Variants in STX11 observed in about 807,000 individuals in gnomAD.
The protein encoded by STX11 is syntaxin 11, also known as syntaxin-11.
In STX11, 21 loss-of-function variants were observed where a neutral mutation model predicts 19.9. The ratio of observed to expected loss-of-function variants is 1.06; its 90% CI spans 0.75 to 1.52. STX11 has a LOEUF of 1.52. Ranked by LOEUF, STX11 falls within the 40% of genes most tolerant of loss-of-function variation. The pLI is 0.00. For missense variants in STX11, 438 were observed against 405.9 expected (o/e 1.08, Z -0.68); for synonymous variants, 193 against 174.4 (o/e 1.11, Z -0.84).
Position 144,188,699 on chromosome 6 carries a change from A to G in STX11, c.*1208A>G, listed in dbSNP as rs1343760775. On this transcript the variant is annotated 3_prime_UTR_variant, in exon 2 of 2. Transcript: ENST00000367568. ...GCTTGACCATTTAGTTTACTTTCTC[A>G]ATTATTGTTAAAATTTTTCTTTTTC... Among the ~76,000 whole-genome samples the G allele has an allele frequency of 6.8e-6, 1 of 146,554 alleles. No homozygotes were observed. Among genetic ancestry groups the G allele is most frequent in the Non-Finnish European group, 1.5e-5 (1 of 67,294 alleles).
At chr6:144,142,601 T>G in the STX11 span, among the ~76,000 whole-genome samples, 1 of 152,186 alleles carries the variant, frequency 6.6e-6, no homozygotes, top group South Asian at 2.1e-4. Context: ...AATGAAATCA[T>G]GTCATTTGCA....
rs1340151538 is a variant in STX11, at chr6:144,172,015, G to GT, written c.-5-14604dup. Among the ~76,000 whole-genome samples the GT allele has an allele frequency of 2.0e-5, 3 of 152,094 alleles. No individual in the cohort carries two copies. The highest frequency in any genetic ancestry group is 7.2e-5 in the African/African-American group (3 of 41,418). ...TTTAAAATCATAACAATAAACTTTT[G>GT]TTTTAAATGCACGAGAATTTACTTT... On this transcript the variant is annotated intron_variant, in intron 1 of 1. Transcript: ENST00000367568. The surrounding 1 kb of genome is among the most constrained non-coding windows in gnomAD (Gnocchi z 4.2).
At chr6:144,142,045 G>A in the STX11 span, among the ~76,000 whole-genome samples, 1 of 151,302 alleles carries the variant, frequency 6.6e-6, no homozygotes, top group African/African-American at 2.4e-5. Flanking sequence ...TTTTTGTGTT[G>A]CACACTAGTA....
Position 144,184,162 on chromosome 6 carries a change from C to T in STX11, c.-5-2461C>T, listed in dbSNP as rs191309629. Among the ~76,000 whole-genome samples, 68 of 152,272 alleles carry T rather than the reference C, an allele frequency of 4.5e-4. No individual in the cohort carries two copies. Among genetic ancestry groups the T allele is most frequent in the African/African-American group, 1.6e-3 (65 of 41,560 alleles). ...TGAATAGGGCTGCAGTGAACATTGA[C>T]ATGCATGTGTCTTTATAATAGAATG... On this transcript the variant is annotated intron_variant, in intron 1 of 1. Coordinates refer to ENST00000367568, the MANE Select transcript of STX11 (RefSeq NM_003764.4). This position sits in a 1 kb window ranked among gnomAD's most constrained non-coding sequence, Gnocchi z 6.5.
intron 1 of STX11, among the ~76,000 whole-genome samples, chr6:144,161,124 G>C (rs186414792): frequency 2.6e-5 from 4 of 152,276 alleles, no homozygotes; most frequent in African/African-American, 9.6e-5. Flanking sequence ...AAATCCAGTT[G>C]AATACTTAAT....
upstream of STX11, among the ~76,000 whole-genome samples, chr6:144,146,603 C>T (rs536453277): frequency 1.2e-3 from 185 of 152,202 alleles, 1 homozygote; most frequent in African/African-American, 4.2e-3. This position sits in a 1 kb window ranked among gnomAD's most constrained non-coding sequence, Gnocchi z 4.4. Context: ...TGAGCCACGG[C>T]GTCCAGCTCT....
chr6:144,188,667 A>G lies in STX11; in HGVS notation c.*1176A>G, dbSNP rs1317238959. On this transcript the variant is annotated 3_prime_UTR_variant, in exon 2 of 2. Coordinates refer to ENST00000367568, the MANE Select transcript of STX11 (RefSeq NM_003764.4). Reference sequence around the variant, plus strand: ...TTACATTATACACATATTTTTATACATTTCTGGCTTGACCATTTAGTTTAC... The same window carrying G: ...TTACATTATACACATATTTTTATACGTTTCTGGCTTGACCATTTAGTTTAC... 6.7e-6 allele frequency among the ~76,000 whole-genome samples: 1 copy of G among 149,532 alleles called. No individual in the cohort carries two copies. The highest frequency in any genetic ancestry group is 1.5e-5 in the Non-Finnish European group (1 of 67,446).
Position 144,153,585 on chromosome 6 carries a change from G to A in STX11, c.-6+2882G>A, listed in dbSNP as rs560587196. 1.4e-4 allele frequency among the ~76,000 whole-genome samples: 21 copies of A among 152,114 alleles called. No individual in the cohort carries two copies. The highest frequency in any genetic ancestry group is 2.2e-4 in the Non-Finnish European group (15 of 68,030). ...TTTGAACAAGTGAATGATATTGTCA[G>A]GTATGTGTTTAAAAAATAATAACAA... On this transcript the variant is annotated intron_variant, in intron 1 of 1. Coordinates refer to ENST00000367568, the MANE Select transcript of STX11 (RefSeq NM_003764.4). The surrounding 1 kb of genome is among the most constrained non-coding windows in gnomAD (Gnocchi z 5.0).
Position 144,174,626 on chromosome 6 carries a change from C to G in STX11, c.-5-11997C>G, listed in dbSNP as rs1331844859. Among the ~76,000 whole-genome samples the G allele has an allele frequency of 1.3e-5, 2 of 152,106 alleles. No individual in the cohort carries two copies. Among genetic ancestry groups the G allele is most frequent in the East Asian group, 3.9e-4 (2 of 5,172 alleles). On this transcript the variant is annotated intron_variant, in intron 1 of 1. Coordinates refer to ENST00000367568, the MANE Select transcript of STX11 (RefSeq NM_003764.4). The surrounding 1 kb of genome is among the most constrained non-coding windows in gnomAD (Gnocchi z 5.3). ...CAAGCGATCCACCCGCCTTGGCCTC[C>G]CAAGCCAGGATTACAGATATGAGTC...
At position 144,169,684 on chromosome 6, in the gene STX11, C is replaced by A. The variant is rs1262063011; in HGVS notation, c.-5-16939C>A. Among the ~76,000 whole-genome samples the A allele has an allele frequency of 7.1e-6, 1 of 140,306 alleles. No individual in the cohort carries two copies. The highest frequency in any genetic ancestry group is 2.5e-4 in the East Asian group (1 of 4,020). 92.0% of individuals were successfully genotyped at this position (140,306 alleles called of 152,430 possible). On this transcript the variant is annotated intron_variant, in intron 1 of 1. Coordinates refer to ENST00000367568, the MANE Select transcript of STX11 (RefSeq NM_003764.4). This position sits in a 1 kb window ranked among gnomAD's most constrained non-coding sequence, Gnocchi z 5.2. ...CCCTCCCTTCCTTCCTTCCTTCCTT[C>A]CTTCTTTCTTTCCTTCCTACCTATG...
rs1463526034 is a variant in STX11 at position 144,153,508 on chromosome 6, C to T, written c.-6+2805C>T. Among the ~76,000 whole-genome samples the T allele has an allele frequency of 2.0e-5, 3 of 152,134 alleles. No individual in the cohort carries two copies. The highest frequency in any genetic ancestry group is 4.4e-5 in the Non-Finnish European group (3 of 68,030). ...CGGCACAGAGGGAGGCCTACGGAGA[C>T]AGGAAGGGCCAGATCACAAAGGCCC... On this transcript the variant is annotated intron_variant, in intron 1 of 1. Coordinates refer to ENST00000367568, the MANE Select transcript of STX11 (RefSeq NM_003764.4). This position sits in a 1 kb window ranked among gnomAD's most constrained non-coding sequence, Gnocchi z 5.0.
chr6:144,182,205 A>G lies in STX11; in HGVS notation c.-5-4418A>G, dbSNP rs767957330. Among the ~76,000 whole-genome samples the G allele has an allele frequency of 1.3e-5, 2 of 152,190 alleles. No homozygotes were observed. The highest frequency in any genetic ancestry group is 2.9e-5 in the Non-Finnish European group (2 of 68,032). On this transcript the variant is annotated intron_variant, in intron 1 of 1. Coordinates refer to ENST00000367568, the MANE Select transcript of STX11 (RefSeq NM_003764.4). This position sits in a 1 kb window ranked among gnomAD's most constrained non-coding sequence, Gnocchi z 4.8. ...TGATTCTCTATTTGTGCCCACTTCT[A>G]TATTTTTGTATAACTTCAGTAGTGT...
In STX11 at chr6:144,187,449, C is replaced by G. The variant is rs1157506055; in HGVS notation, c.822C>G (p.Pro274=). ...CCGTGCAGTACGAGGAGAAGAACCC[C>G]TGCCGGACCCTCTGCTGCTTCTGCT... The part of the protein sequence containing the change: ...RKAVQYEEKN[P]CRTLCCFCCP... Residue 274 remains proline (P), a synonymous_variant, in exon 2 of 2, where the codon CCC becomes CCG. Transcript: ENST00000367568. This position sits in a 1 kb window ranked among gnomAD's most constrained non-coding sequence, Gnocchi z 5.6. The G allele has an allele frequency of 6.2e-7, 1 of 1,612,484 alleles. No individual in the cohort carries two copies. The highest frequency in any genetic ancestry group is 8.5e-7 in the Non-Finnish European group (1 of 1,179,982).
the STX11 span, among the ~76,000 whole-genome samples, chr6:144,143,598 T>G: frequency 4.6e-5 from 7 of 152,174 alleles, no homozygotes; most frequent in Non-Finnish European, 7.3e-5. Flanking sequence ...TTGGAATACA[T>G]TTCCTGACCT....
In STX11 at chr6:144,150,616, G is replaced by T. The variant is rs1004246892; in HGVS notation, c.-93G>T. ...CGGAGCCGCCGGGAGTCGCGCAACAGGTTTCCTTCTCCATCGCTGCGCCCA... is the reference window on the plus strand; with the variant it reads ...CGGAGCCGCCGGGAGTCGCGCAACATGTTTCCTTCTCCATCGCTGCGCCCA... On this transcript the variant is annotated 5_prime_UTR_variant, in exon 1 of 2. The change creates a new upstream start codon in the 5' untranslated region. Transcript: ENST00000367568. 3.0e-6 allele frequency: 3 copies of T among 985,350 alleles called. No homozygotes were observed. The highest frequency in any genetic ancestry group is 3.6e-6 in the Non-Finnish European group (3 of 829,988). 61.0% of individuals were successfully genotyped at this position (985,350 alleles called of 1,614,324 possible). A position where few individuals can be genotyped will look rare whatever the true frequency, so the allele number is the denominator to read the frequency against.
intron 1 of STX11, among the ~76,000 whole-genome samples, chr6:144,171,622 T>C (rs1359742600): frequency 6.6e-6 from 1 of 152,210 alleles, no homozygotes; most frequent in Non-Finnish European, 1.5e-5. Context: ...ACCCCACTGC[T>C]CAAGGACTCC....
intron 1 of STX11, among the ~76,000 whole-genome samples, chr6:144,178,214 C>T (rs966165063): frequency 1.6e-4 from 24 of 152,144 alleles, no homozygotes; most frequent in African/African-American, 5.8e-4. Context: ...TATCTCAACT[C>T]CATAACTGTA....
rs148458308 is a variant in STX11, at chr6:144,188,826, G to A, written c.*1335G>A. Among the ~76,000 whole-genome samples the A allele has an allele frequency of 4.8e-3, 698 of 145,696 alleles. 24 individuals are homozygous for A. The East Asian group carries it at 0.1, about 22-fold the overall frequency. ...ATTGCAACCTCTGTCTCCCAGGTTC[G>A]AGCGATTCTCCTGACTCAGCCTCCT... On this transcript the variant is annotated 3_prime_UTR_variant, in exon 2 of 2. Transcript: ENST00000367568.
upstream of STX11, among the ~76,000 whole-genome samples, chr6:144,148,108 A>G (rs922477829): frequency 1.3e-5 from 2 of 152,200 alleles, no homozygotes; most frequent in African/African-American, 4.8e-5. Context: ...AACCAGCAAC[A>G]TCATTTAGCT....
Sources: allele counts gnomAD v4.1 joint callset (sites outside exome capture counted in the v4.1 genomes callset), GRCh38; gene constraint gnomAD v4.1.1; non-coding constraint Gnocchi (gnomAD v3.1); transcripts MANE v1.5; gene names NCBI Gene and HGNC (gene_info 2026-07-23, HGNC 2026-07-21).